NDUFAF2: variants seen among roughly 807,000 people sequenced by gnomAD.
The protein encoded by NDUFAF2 is NADH:ubiquinone oxidoreductase complex assembly factor 2, also known as NADH dehydrogenase [ubiquinone] 1 alpha subcomplex assembly factor 2.
In NDUFAF2, 13 loss-of-function variants were observed where a neutral mutation model predicts 22.8. That is an observed-to-expected ratio of 0.57 (90% CI 0.37 to 0.91). The LOEUF is 0.91. NDUFAF2 is among the 40% of genes least tolerant of loss of function. The pLI is 0.01. For synonymous variants in NDUFAF2, 53 were observed against 64.2 expected, an observed-to-expected ratio of 0.83 and a Z score of 0.84; for missense variants, 162 against 195.2, an observed-to-expected ratio of 0.83 and a Z score of 1.01.
intron 3 of NDUFAF2, among the ~76,000 whole-genome samples, chr5:61,112,285 C>T (rs1370243707): frequency 6.7e-6 from 1 of 148,188 alleles, no homozygotes; most frequent in Non-Finnish European, 1.5e-5. Flanking sequence ...GCCATCTCGG[C>T]TCACTGCAAC....
intron 1 of NDUFAF2, among the ~76,000 whole-genome samples, chr5:60,964,590 G>T (rs1166415627): frequency 6.6e-6 from 1 of 151,772 alleles, no homozygotes; most frequent in Non-Finnish European, 1.5e-5. Flanking sequence ...ACCTGGGATT[G>T]CAGGCGTGCA....
At chr5:61,109,005 T>C (rs1359963593) in intron 3 of NDUFAF2, among the ~76,000 whole-genome samples, 1 of 152,156 alleles carries the variant, frequency 6.6e-6, no homozygotes, top group Non-Finnish European at 1.5e-5. Context: ...GTCATTGGTA[T>C]TTTGATAGGA....
intron 1 of NDUFAF2, among the ~76,000 whole-genome samples, chr5:61,055,051 T>C (rs1371331487): frequency 6.6e-6 from 1 of 152,198 alleles, no homozygotes; most frequent in Non-Finnish European, 1.5e-5. Flanking sequence ...TAGTGTAAGA[T>C]TTAAATTTCA....
intron 1 of NDUFAF2, among the ~76,000 whole-genome samples, chr5:60,976,517 C>A (rs1750905087): frequency 6.6e-6 from 1 of 152,094 alleles, no homozygotes; most frequent in African/African-American, 2.4e-5. Context: ...AAATGGACCC[C>A]AAGGGGGTAG....
At chr5:61,069,126 CTTTT>C (rs71606660) in intron 1 of NDUFAF2, among the ~76,000 whole-genome samples, 3 of 136,896 alleles carry the variant, frequency 2.2e-5, no homozygotes, top group African/African-American at 2.7e-5. Flanking sequence ...AATGTTAGTG[CTTTT>C]TTTTTTTTTT....
At chr5:60,963,060 A>G (rs1750712655) in intron 1 of NDUFAF2, among the ~76,000 whole-genome samples, 1 of 151,518 alleles carries the variant, frequency 6.6e-6, no homozygotes, top group African/African-American at 2.4e-5. Context: ...TAATTTTTGT[A>G]TTTTTAGTAG....
chr5:61,106,913 T>G (rs1752770976), intron 3 of NDUFAF2, among the ~76,000 whole-genome samples: 1 of 151,262 alleles, frequency 6.6e-6, no homozygotes, highest in Admixed American at 6.6e-5. Context: ...TATATCACAT[T>G]TTCTTTATCA....
chr5:61,076,558 AGAAT>A (rs1285678409), intron 2 of NDUFAF2, among the ~76,000 whole-genome samples: 3 of 152,258 alleles, frequency 2.0e-5, no homozygotes, highest in Non-Finnish European at 4.4e-5. Flanking sequence ...TGATTGGGAT[AGAAT>A]GAGAGAGAAA....
At position 60,973,874 on chromosome 5, in the gene NDUFAF2, G is replaced by A. The variant is rs145434825; in HGVS notation, c.127+28492G>A. ...AGTTGGAGTAGAGTGGCATGATCCT[G>A]GCTCACTGCAACCTTTGCCTCCCAG... On this transcript the variant is annotated intron_variant, in intron 1 of 3. Transcript: ENST00000296597. Among the ~76,000 whole-genome samples the A allele has an allele frequency of 7.3e-3, 1,113 of 152,210 alleles. 11 individuals are homozygous for A. The highest frequency in any genetic ancestry group is 0.026 in the African/African-American group (1,070 of 41,534).
intron 1 of NDUFAF2, among the ~76,000 whole-genome samples, chr5:61,005,971 T>C (rs1751361108): frequency 6.6e-6 from 1 of 152,314 alleles, no homozygotes; most frequent in Admixed American, 6.5e-5. Context: ...CAATTTTGGC[T>C]TTTGTTGCCA....
chr5:61,118,637 G>T (rs1752941397), intron 3 of NDUFAF2, among the ~76,000 whole-genome samples: 1 of 152,118 alleles, frequency 6.6e-6, no homozygotes, highest in Non-Finnish European at 1.5e-5. Context: ...CTTTGACAAA[G>T]ATATACTTAA....
intron 1 of NDUFAF2, among the ~76,000 whole-genome samples, chr5:60,987,235 T>G (rs1751094340): frequency 6.6e-6 from 1 of 152,030 alleles, no homozygotes; most frequent in Admixed American, 6.6e-5. Context: ...AGGAAGAAAT[T>G]GAATCCCTGA....
At chr5:60,962,359 G>A (rs1750700083) in intron 1 of NDUFAF2, among the ~76,000 whole-genome samples, 1 of 152,084 alleles carries the variant, frequency 6.6e-6, no homozygotes, top group African/African-American at 2.4e-5. Context: ...GATTAATACT[G>A]TATTCACTGT....
chr5:60,999,162 T>A (rs1416025394), intron 1 of NDUFAF2, among the ~76,000 whole-genome samples: 1 of 151,940 alleles, frequency 6.6e-6, no homozygotes, highest in East Asian at 1.9e-4. Flanking sequence ...ATATTGATTG[T>A]TTGATTGTTC....
chr5:61,019,048 G>A (rs1751546111), intron 1 of NDUFAF2, among the ~76,000 whole-genome samples: 2 of 151,952 alleles, frequency 1.3e-5, no homozygotes, highest in African/African-American at 4.8e-5. Context: ...CTCTTTAAAA[G>A]CCTGTATTTC....
intron 1 of NDUFAF2, among the ~76,000 whole-genome samples, chr5:60,981,794 A>C (rs1054529869): frequency 6.6e-6 from 1 of 152,186 alleles, no homozygotes; most frequent in African/African-American, 2.4e-5. Context: ...TCCAGAAGTA[A>C]ATCTGTACAT....
At chr5:60,983,974 T>G (rs1156982900) in intron 1 of NDUFAF2, among the ~76,000 whole-genome samples, 2 of 152,280 alleles carry the variant, frequency 1.3e-5, no homozygotes, top group East Asian at 1.9e-4. Context: ...GCATTGAATC[T>G]ATAAATTACC....
chr5:61,145,488 G>A (rs894583015), intron 3 of NDUFAF2, among the ~76,000 whole-genome samples: 5 of 152,104 alleles, frequency 3.3e-5, no homozygotes, highest in Admixed American at 6.5e-5. Context: ...TCGAAATCCA[G>A]ATTGCTCCAA....
At chr5:60,999,858 C>T (rs1031413850) in intron 1 of NDUFAF2, among the ~76,000 whole-genome samples, 13 of 152,040 alleles carry the variant, frequency 8.6e-5, no homozygotes, top group Non-Finnish European at 1.0e-4. Flanking sequence ...AGAAAGTTCT[C>T]CAAAAATTAG....
Sources: allele counts gnomAD v4.1 joint callset (sites outside exome capture counted in the v4.1 genomes callset), GRCh38; gene constraint gnomAD v4.1.1; transcripts MANE v1.5; gene names NCBI Gene and HGNC (gene_info 2026-07-23, HGNC 2026-07-21).